The following PHKA1 variants were observed in gnomAD, a reference collection of about 807,000 sequenced individuals.
The protein encoded by PHKA1 is phosphorylase b kinase regulatory subunit alpha, skeletal muscle isoform.
PHKA1 carries 60 observed loss-of-function variants against 110.2 expected under a neutral mutation model. That is an observed-to-expected ratio of 0.54 (90% confidence interval 0.44 to 0.68). PHKA1 has a LOEUF of 0.68. PHKA1 is among the 30% of genes least tolerant of loss of function. PHKA1 has a pLI of 0.00. For synonymous variants in PHKA1, 316 were observed against 333.6 expected, an observed-to-expected ratio of 0.95 and a Z score of 0.58; for missense variants, 801 against 942.5, an observed-to-expected ratio of 0.85 and a Z score of 1.97.
chrX:72,642,729 G>A (rs2053311907), intron 14 of PHKA1, among the ~76,000 whole-genome samples: 1 of 111,487 alleles, frequency 9.0e-6, no homozygotes, highest in African/African-American at 3.3e-5. Context: ...TTAGGGTTGA[G>A]TAAATAGAGG....
At chrX:72,695,415 G>A (rs192092871) in intron 4 of PHKA1, among the ~76,000 whole-genome samples, 139 of 111,291 alleles carry the variant, frequency 1.2e-3, no homozygotes, top group Non-Finnish European at 2.2e-3. Context: ...TAATTTAGAT[G>A]CCTATAGACA....
chrX:72,678,869 T>C (rs1244728852), intron 5 of PHKA1, among the ~76,000 whole-genome samples: 1 of 112,049 alleles, frequency 8.9e-6, no homozygotes, highest in African/African-American at 3.2e-5. Flanking sequence ...TGCAGGCCAC[T>C]ATACAGGAAG....
intron 14 of PHKA1, among the ~76,000 whole-genome samples, chrX:72,637,367 A>G (rs2053242336): frequency 8.9e-6 from 1 of 111,959 alleles, no homozygotes; most frequent in South Asian, 3.7e-4. Context: ...TATGTGTAGC[A>G]TATGTCAGAA....
At chrX:72,622,688 T>C (rs2052997705) in intron 18 of PHKA1, 7 of 740,684 alleles carry the variant, frequency 9.5e-6, no homozygotes, top group Non-Finnish European at 1.1e-5. Flanking sequence ...GATTCCGATA[T>C]GCTCCTCTAA....
chrX:72,624,696 A>G (rs572984124), intron 17 of PHKA1, among the ~76,000 whole-genome samples: 1 of 111,465 alleles, frequency 9.0e-6, no homozygotes. Flanking sequence ...TGTAAGTAAT[A>G]AAATCTTTAT....
At chrX:72,611,263 A>G in intron 21 of PHKA1, 79 bp from the exon 22 acceptor site, 1 of 798,461 alleles carries the variant, frequency 1.3e-6, no homozygotes, top group African/African-American at 2.0e-5. Flanking sequence ...GTTATAATGA[A>G]CATGCCTGTT....
At chrX:72,623,408 T>C (rs1787091388) in intron 17 of PHKA1, 133 bp from the exon 18 acceptor site, 2 of 487,737 alleles carry the variant, frequency 4.1e-6, no homozygotes, top group Non-Finnish European at 6.8e-6. Context: ...ATATAAATTT[T>C]ATAAAAATAA....
intron 6 of PHKA1, among the ~76,000 whole-genome samples, chrX:72,674,749 A>G (rs191570230): frequency 8.9e-6 from 1 of 112,315 alleles, no homozygotes; most frequent in East Asian, 2.8e-4. Context: ...TCACTAAAGC[A>G]TTATCTAGAA....
chrX:72,586,836 C>T (rs1420070588), intron 29 of PHKA1, among the ~76,000 whole-genome samples: 1 of 109,716 alleles, frequency 9.1e-6, no homozygotes, highest in Non-Finnish European at 1.9e-5. Flanking sequence ...ATATCAGTGA[C>T]TGAAGACTGA....
intron 14 of PHKA1, among the ~76,000 whole-genome samples, chrX:72,641,287 G>A (rs1481729315): frequency 9.0e-6 from 1 of 111,589 alleles, no homozygotes; most frequent in Non-Finnish European, 1.9e-5. Flanking sequence ...TCCCTTTACT[G>A]AGAATATACA....
intron 20 of PHKA1, 55 bp from the exon 21 acceptor site, chrX:72,618,904 T>C: frequency 9.4e-7 from 1 of 1,065,776 alleles, no homozygotes; most frequent in Non-Finnish European, 1.3e-6. Flanking sequence ...TCAACTTAAA[T>C]AATGTCCTAG....
intron 21 of PHKA1, among the ~76,000 whole-genome samples, chrX:72,616,298 T>C (rs1328764042): frequency 9.0e-6 from 1 of 111,660 alleles, no homozygotes; most frequent in African/African-American, 3.3e-5. Flanking sequence ...AGCCCAGGAG[T>C]TTGAGACTAC....
At chrX:72,666,394 T>C in intron 7 of PHKA1, 97 bp from the exon 8 acceptor site, 1 of 727,695 alleles carries the variant, frequency 1.4e-6, no homozygotes, top group Non-Finnish European at 2.1e-6. Flanking sequence ...TTTGAATATG[T>C]TTGACAAAAT....
At position 72,675,840 on chromosome X, in the gene PHKA1, A is replaced by G. The variant is rs782577035; in HGVS notation, c.618+230T>C. Among the ~76,000 whole-genome samples, 5 of 111,065 alleles carry G rather than the reference A, an allele frequency of 4.5e-5. No homozygotes were observed. The East Asian group carries it at 8.4e-4, about 19-fold the overall frequency. ...TTAAGTCCTTTCAAGTCCTTATGGC[A>G]TATAATATAAGTAGAGACATGCCAC... On this transcript the variant is annotated intron_variant, in intron 6 of 31. Transcript: ENST00000373542.
intron 28 of PHKA1, among the ~76,000 whole-genome samples, chrX:72,594,800 CAAAT>C (rs2052568541): frequency 8.9e-6 from 1 of 112,238 alleles, no homozygotes; most frequent in Admixed American, 9.4e-5. Context: ...AACAAACAAA[CAAAT>C]AAACAAACGT....
Position 72,646,449 on chromosome X carries a change from G to A in PHKA1, c.1325-1953C>T, listed in dbSNP as rs142035396. ...GATCCCTACATGGAAAAAATGAGAC[G>A]GCTATAGAGTCCTCCTAGAGGCCTG... On this transcript the variant is annotated intron_variant, in intron 13 of 31. Transcript: ENST00000373542. Among the ~76,000 whole-genome samples, 513 of 111,900 alleles carry A rather than the reference G, an allele frequency of 4.6e-3. 2 individuals carry two copies. Among genetic ancestry groups the A allele is most frequent in the African/African-American group, 0.016 (488 of 30,811 alleles).
intron 8 of PHKA1, among the ~76,000 whole-genome samples, chrX:72,658,336 G>A (rs941330061): frequency 2.7e-5 from 3 of 109,275 alleles, no homozygotes; most frequent in East Asian, 2.9e-4. Flanking sequence ...GCACGTGACC[G>A]TAGTCCCAGT....
chrX:72,627,146 C>T (rs1231924124), intron 16 of PHKA1, 97 bp from the exon 17 acceptor site: 4 of 666,240 alleles, frequency 6.0e-6, no homozygotes, highest in Middle Eastern at 3.1e-4. Context: ...CTGGTGGTTA[C>T]AATACAAATG....
Position 72,611,115 on chromosome X carries a change from C to T in PHKA1, c.2439G>A (p.Leu813=). ...GACGAATTTCTCCCACTTTGCCATA[C>T]AGCTCGGTAAGAAGCTCTCTCACTG... ...SATVRELLTE[L]YGKVGEIRHW... Residue 813 remains leucine (L), a synonymous_variant, in exon 22 of 32, where the codon CTG becomes CTA. Transcript: ENST00000373542. 1 of 1,202,621 alleles carries T rather than the reference C, an allele frequency of 8.3e-7. No homozygotes were observed. Among genetic ancestry groups the T allele is most frequent in the Non-Finnish European group, 1.1e-6 (1 of 887,545 alleles).
Sources: gnomAD v4.1 joint callset for allele counts (sites outside exome capture counted in the v4.1 genomes callset) on GRCh38, gnomAD v4.1.1 for gene constraint, MANE v1.5 for transcripts, NCBI Gene and HGNC (gene_info 2026-07-23, HGNC 2026-07-21) for gene names.